AKR1E2: variants seen among roughly 807,000 people sequenced by gnomAD.
The protein encoded by AKR1E2 is 1,5-anhydro-D-fructose reductase.
Under a neutral mutation model 41.9 loss-of-function variants are expected in AKR1E2, and 43 were observed. The ratio of observed to expected loss-of-function variants is 1.03; its 90% CI spans 0.80 to 1.32. The LOEUF is 1.32. Ranked by LOEUF, AKR1E2 falls within the 40% of genes most tolerant of loss-of-function variation. The pLI is 0.00. For synonymous variants in AKR1E2, 121 were observed against 138.9 expected (o/e 0.87, Z 0.91); for missense variants, 423 against 396.5 (o/e 1.07, Z -0.57).
chr10:4,838,753 C>T (rs566451675), intron 5 of AKR1E2, among the ~76,000 whole-genome samples: 5 of 152,276 alleles, frequency 3.3e-5, no homozygotes, highest in East Asian at 3.9e-4. Context: ...GCCTTGTATA[C>T]AACCCTATAT....
chr10:4,838,779 T>C (rs1040135299), intron 5 of AKR1E2, among the ~76,000 whole-genome samples: 2 of 152,208 alleles, frequency 1.3e-5, no homozygotes, highest in African/African-American at 4.8e-5. Flanking sequence ...AGTTTTGATA[T>C]ATGTTTATAT....
At chr10:4,834,411 A>T (rs969958802) in intron 3 of AKR1E2, among the ~76,000 whole-genome samples, 1 of 152,238 alleles carries the variant, frequency 6.6e-6, no homozygotes, top group Non-Finnish European at 1.5e-5. Flanking sequence ...AGGGGAAGAT[A>T]CCCAGAGGGC....
chr10:4,828,725 C>T (rs1006563347), intron 1 of AKR1E2, among the ~76,000 whole-genome samples: 10 of 152,206 alleles, frequency 6.6e-5, no homozygotes, highest in Middle Eastern at 3.4e-3. Flanking sequence ...AATAAATTGT[C>T]CTGAATATGG....
Position 4,835,692 on chromosome 10 carries a change from G to T in AKR1E2, c.342G>T (p.Trp114Cys). ...PMGFKPPHPE[W>C]IMSCSELSFC... is the part of the protein sequence containing the mutation. ...CTTCGCAGCCTCCTCATCCAGAATGGATCATGAGCTGCAGTGAACTTTCCT... is the reference window on the plus strand; with the variant it reads ...CTTCGCAGCCTCCTCATCCAGAATGTATCATGAGCTGCAGTGAACTTTCCT... The change falls in exon 4 of 10, where the codon TGG becomes TGT. Residue 114 changes from tryptophan (W) to cysteine (C), a missense_variant. Physicochemically the swap from Trp to Cys is radical, Grantham distance 215. Transcript: ENST00000298375. The T allele has an allele frequency of 1.2e-6, 2 of 1,614,032 alleles. No homozygotes were observed. The highest frequency in any genetic ancestry group is 1.7e-6 in the Non-Finnish European group (2 of 1,180,010).
intron 8 of AKR1E2, chr10:4,845,763 C>G (rs1265284282): frequency 4.2e-6 from 2 of 471,150 alleles, no homozygotes; most frequent in East Asian, 1.4e-4. Flanking sequence ...TGAGATGCCC[C>G]CATTCCTCTG....
At chr10:4,843,266 A>G (rs940366878) in intron 8 of AKR1E2, among the ~76,000 whole-genome samples, 2 of 152,298 alleles carry the variant, frequency 1.3e-5, no homozygotes, top group Admixed American at 1.3e-4. Flanking sequence ...TTTCTTCAGT[A>G]GAGCACCCTT....
intron 9 of AKR1E2, 28 bp downstream of exon 9, chr10:4,847,258 A>G: frequency 1.2e-6 from 2 of 1,613,532 alleles, no homozygotes; most frequent in Non-Finnish European, 1.7e-6. Context: ...TTTTTAAAAC[A>G]GAGGGAAGAA....
rs202129400 is a variant in AKR1E2 at position 4,844,754 on chromosome 10, G to A, written c.837+2250G>A. Among the ~76,000 whole-genome samples the A allele has an allele frequency of 4.8e-5, 7 of 146,712 alleles. No homozygotes were observed. In the South Asian group the frequency reaches 6.4e-4, roughly 13 times the overall value. Reference sequence around the variant, plus strand: ...GTGCTGATTGGTGTGTTTACAAACCGTGAGCTAGATACAGAGTGCCGATTG... The same window carrying A: ...GTGCTGATTGGTGTGTTTACAAACCATGAGCTAGATACAGAGTGCCGATTG... On this transcript the variant is annotated intron_variant, in intron 8 of 9. Transcript: ENST00000298375.
chr10:4,845,746 G>A (rs1834286667), intron 8 of AKR1E2: 2 of 471,026 alleles, frequency 4.2e-6, no homozygotes, highest in Non-Finnish European at 8.8e-6. Flanking sequence ...GGGACCTTGG[G>A]CCCAGCTGAG....
intron 4 of AKR1E2, 103 bp from the exon 5 acceptor site, chr10:4,837,356 T>C: frequency 7.0e-7 from 1 of 1,427,528 alleles, no homozygotes. Flanking sequence ...GTAAAAATAT[T>C]GGGTCCAACC....
intron 3 of AKR1E2, among the ~76,000 whole-genome samples, chr10:4,834,250 G>A (rs1833214061): frequency 6.6e-6 from 1 of 152,226 alleles, no homozygotes. Flanking sequence ...CCTGTGAGAA[G>A]GTCCCTTTAT....
At chr10:4,862,012 A>G in the AKR1E2 span, among the ~76,000 whole-genome samples, 3 of 152,188 alleles carry the variant, frequency 2.0e-5, no homozygotes, top group Admixed American at 1.3e-4. Context: ...GCCCATGCCT[A>G]TGTCCTGAAT....
At chr10:4,825,575 C>T (rs1044125959), upstream of AKR1E2, among the ~76,000 whole-genome samples, 7 of 152,212 alleles carry the variant, frequency 4.6e-5, no homozygotes, top group African/African-American at 1.7e-4. Context: ...TCCTGCAAGC[C>T]CCAGCCGCTC....
chr10:4,830,855 T>C lies in AKR1E2; in HGVS notation c.207+13T>C, dbSNP rs945327320. The C allele has an allele frequency of 1.2e-6, 2 of 1,613,604 alleles. No homozygotes were observed. The highest frequency in any genetic ancestry group is 1.3e-5 in the African/African-American group (1 of 74,936). On this transcript the variant is annotated intron_variant, in intron 2 of 9. Coordinates refer to ENST00000298375, the MANE Select transcript of AKR1E2 (RefSeq NM_001040177.3). The stretch of plus-strand genomic sequence containing the variant: ...CATTGCCACTAAGGTAGGGCTTCTC[T>C]ATGCAAGGCTGGCAGAGCTTGGGTA...
intron 1 of AKR1E2, among the ~76,000 whole-genome samples, chr10:4,826,763 T>C (rs1832554857): frequency 6.6e-6 from 1 of 152,018 alleles, no homozygotes; most frequent in South Asian, 2.1e-4. Context: ...CCTCGAAGCC[T>C]CCTCTCCAGC....
At chr10:4,833,175 G>A (rs1254706664) in intron 2 of AKR1E2, among the ~76,000 whole-genome samples, 175 bp from the exon 3 acceptor site, 1 of 152,146 alleles carries the variant, frequency 6.6e-6, no homozygotes, top group African/African-American at 2.4e-5. Flanking sequence ...CAGGTGTCCT[G>A]GAACTCTTCT....
the AKR1E2 span, among the ~76,000 whole-genome samples, chr10:4,853,844 G>T: frequency 3.3e-5 from 5 of 152,140 alleles, no homozygotes; most frequent in African/African-American, 1.2e-4. Context: ...GATAAAACAG[G>T]TTGCAATAAA....
At chr10:4,837,698 C>T (rs1468482793) in intron 5 of AKR1E2, 117 bp downstream of exon 5, 19 of 1,434,916 alleles carry the variant, frequency 1.3e-5, no homozygotes, top group Non-Finnish European at 1.7e-5. Context: ...GGCCTGTTCT[C>T]CTCTGGCAGC....
Position 4,847,226 on chromosome 10 carries a change from C to G in AKR1E2, c.916C>G (p.Pro306Ala). ...CAGGAATCTCCGACTGGCCATGTTCCCCATGTAAATATGGCTCCTTCTTTT... is the reference window on the plus strand; with the variant it reads ...CAGGAATCTCCGACTGGCCATGTTCGCCATGTAAATATGGCTCCTTCTTTT... ...LNRNLRLAMF[P>A]ITKNHKDYPF... The change falls in exon 9 of 10, where the codon CCC (proline) becomes GCC (alanine). Residue 306 changes from proline (P) to alanine (A), a missense_variant. Transcript: ENST00000298375. 1 of 1,613,878 alleles carries G rather than the reference C, an allele frequency of 6.2e-7. No homozygotes were observed. The highest frequency in any genetic ancestry group is 1.1e-5 in the South Asian group (1 of 91,054).
Sources: gnomAD v4.1 joint callset for allele counts (sites outside exome capture counted in the v4.1 genomes callset) on GRCh38, gnomAD v4.1.1 for gene constraint, MANE v1.5 for transcripts, NCBI Gene and HGNC (gene_info 2026-07-23, HGNC 2026-07-21) for gene names.